COX7A1: variants seen among roughly 807,000 people sequenced by gnomAD.
The protein encoded by COX7A1 is cytochrome c oxidase subunit 7A1.
A neutral mutation model predicts 13.2 loss-of-function variants in COX7A1; 21 were observed. The observed-to-expected ratio is 1.59, with a 90% CI of 1.13 to 2.29. The LOEUF is 2.29. Ranked by LOEUF, COX7A1 falls within the 30% of genes most tolerant of loss-of-function variation. The pLI, the probability that COX7A1 is intolerant of heterozygous loss-of-function variation, is 0.00. For synonymous variants in COX7A1, 41 were observed against 41.9 expected, an observed-to-expected ratio of 0.98 and a Z score of 0.08; for missense variants, 107 against 100.0, an observed-to-expected ratio of 1.07 and a Z score of -0.30.
chr19:36,151,147 C>T (rs1019194149), intron 3 of COX7A1, 113 bp from the exon 4 acceptor site: 26 of 1,094,532 alleles, frequency 2.4e-5, no homozygotes, highest in Non-Finnish European at 3.2e-5. Flanking sequence ...AGCTCTAGTT[C>T]GGACTCCAGC....
chr19:36,151,541 GTCC>G lies in COX7A1; in HGVS notation c.105_107del (p.Glu35del), dbSNP rs1441137634. On this transcript the variant is annotated inframe_deletion and splice_region_variant, in exon 3 of 4. Coordinates refer to ENST00000292907, the MANE Select transcript of COX7A1 (RefSeq NM_001864.4). ...CCTTCAGGTACAACGGGATGTCATT[GTCC>G]TCCTGGATGTGGGGGTGTCTGATGA... 1 of 1,614,170 alleles carries G rather than the reference GTCC, an allele frequency of 6.2e-7. No homozygotes were observed. The highest frequency in any genetic ancestry group is 8.5e-7 in the Non-Finnish European group (1 of 1,180,012).
chr19:36,151,225 C>G lies in COX7A1; in HGVS notation c.188-191G>C, dbSNP rs36108627. 2.0e-3 allele frequency among the ~76,000 whole-genome samples: 299 copies of G among 152,234 alleles called. 1 individual carries two copies. The highest frequency in any genetic ancestry group is 3.6e-3 in the Non-Finnish European group (246 of 68,010). ...TGATCTAGACCGGGCTGGGAGCTTT[C>G]TCCCCGACTCCTCCCTGGGCCTCAG... On this transcript the variant is annotated intron_variant, in intron 3 of 3. Coordinates refer to ENST00000292907, the MANE Select transcript of COX7A1 (RefSeq NM_001864.4).
chr19:36,151,645 T>TGGCCCCCCCC, intron 2 of COX7A1, 24 bp downstream of exon 2: 1 of 1,387,614 alleles, frequency 7.2e-7, no homozygotes, highest in Non-Finnish European at 9.9e-7. Context: ...GCGCGTCGGA[T>TGGCCCCCCCC]CCCCACCCCC....
chr19:36,152,379 C>A lies in COX7A1; in HGVS notation c.15+14G>T. Reference sequence around the variant, plus strand: ...CTGGGTGGGGGGCTCCGGCCCAGCCCATGGGGGCCTCACCCGAAGGGCCTG... The same window carrying A: ...CTGGGTGGGGGGCTCCGGCCCAGCCAATGGGGGCCTCACCCGAAGGGCCTG... On this transcript the variant is annotated intron_variant, in intron 1 of 3. Transcript: ENST00000292907. 1 of 1,351,792 alleles carries A rather than the reference C, an allele frequency of 7.4e-7. No homozygotes were observed. Among genetic ancestry groups the A allele is most frequent in the South Asian group, 2.2e-5 (1 of 45,688 alleles). The allele number at this position is 1,351,792 out of a possible 1,614,324, so 83.7% of individuals were successfully genotyped here.
Position 36,150,971 on chromosome 19 carries a change from G to A in COX7A1, c.*11C>T. On this transcript the variant is annotated 3_prime_UTR_variant, in exon 4 of 4. Coordinates refer to ENST00000292907, the MANE Select transcript of COX7A1 (RefSeq NM_001864.4). ...TGTTCAAGTCTCTCAGGCCCCCCAGGCTTCTTGGTCTTAATTCCTGGGGAA... is the reference window on the plus strand; with the variant it reads ...TGTTCAAGTCTCTCAGGCCCCCCAGACTTCTTGGTCTTAATTCCTGGGGAA... The A allele has an allele frequency of 6.2e-7, 1 of 1,613,768 alleles. No individual in the cohort carries two copies. Among genetic ancestry groups the A allele is most frequent in the Non-Finnish European group, 8.5e-7 (1 of 1,179,694 alleles).
In COX7A1 at chr19:36,151,170, T is replaced by C. The variant is rs368449604; in HGVS notation, c.188-136A>G. The C allele has an allele frequency of 1.9e-5, 18 of 934,854 alleles. No individual in the cohort carries two copies. The African/African-American group carries it at 2.0e-4, about 10-fold the overall frequency. The allele number at this position is 934,854 out of a possible 1,614,324, so 57.9% of individuals were successfully genotyped here. ...TTCGGACTCCAGCTCCCTTCCCAGA[T>C]TGGACTCCTATTGTAAAGCCCCCTG... is the stretch of plus-strand genomic sequence containing the variant. On this transcript the variant is annotated intron_variant, in intron 3 of 3. Transcript: ENST00000292907.
chr19:36,151,064 G>A (rs1303420801), intron 3 of COX7A1, 30 bp from the exon 4 acceptor site: 4 of 1,609,064 alleles, frequency 2.5e-6, no homozygotes, highest in African/African-American at 1.3e-5. Context: ...GAGACAGAAT[G>A]AGACCTAATC....
At chr19:36,151,384 T>A in intron 3 of COX7A1, 78 bp downstream of exon 3, 1 of 1,507,320 alleles carries the variant, frequency 6.6e-7, no homozygotes, top group Non-Finnish European at 9.2e-7. Flanking sequence ...TCCTGGTCAG[T>A]CCTGCCCAGA....
At chr19:36,152,020 G>C (rs1307204942) in intron 1 of COX7A1, 2 of 613,114 alleles carry the variant, frequency 3.3e-6, no homozygotes, top group Non-Finnish European at 6.0e-6. Context: ...GTTCTGGGGG[G>C]CCTAAGTCCT....
intron 1 of COX7A1, chr19:36,151,997 C>A (rs1974781358): frequency 1.6e-6 from 1 of 633,710 alleles, no homozygotes. Flanking sequence ...GGGAGAGGAC[C>A]CAGAAGGACT....
chr19:36,152,269 G>A (rs1047864563), intron 1 of COX7A1, 124 bp downstream of exon 1: 3 of 651,552 alleles, frequency 4.6e-6, no homozygotes, highest in Non-Finnish European at 7.1e-6. Flanking sequence ...TGTTTAGCGG[G>A]GAGTCCCAGG....
chr19:36,151,645 T>TGGCC, intron 2 of COX7A1, 24 bp downstream of exon 2: 59 of 1,387,474 alleles, frequency 4.3e-5, no homozygotes, highest in Middle Eastern at 1.8e-4. Context: ...GCGCGTCGGA[T>TGGCC]CCCCACCCCC....
At chr19:36,151,426 C>T (rs1402749184) in intron 3 of COX7A1, 36 bp downstream of exon 3, 1 of 1,611,156 alleles carries the variant, frequency 6.2e-7, no homozygotes, top group Non-Finnish European at 8.5e-7. Context: ...GGTCCAGCCC[C>T]GCCTCCCCCG....
rs201243582 is a variant in COX7A1, at chr19:36,151,516, C to G, written c.133G>C (p.Gly45Arg). The change falls in exon 3 of 4, where the codon GGC becomes CGC. Residue 45 changes from glycine (G) to arginine (R), a missense_variant. Transcript: ENST00000292907. ...TACAGGATGTTGTCAACGATGCCGC[C>G]CTTCAGGTACAACGGGATGTCATTG... Reference protein sequence around the residue: ...EDNDIPLYLKGGIVDNILYRV... With the variant: ...EDNDIPLYLKRGIVDNILYRV... The G allele has an allele frequency of 7.1e-5, 115 of 1,614,092 alleles. No individual in the cohort carries two copies. The highest frequency in any genetic ancestry group is 9.4e-5 in the Non-Finnish European group (111 of 1,180,036).
In COX7A1 at chr19:36,151,650, A is replaced by AAC; in HGVS notation, c.102+18_102+19insGT. The AAC allele has an allele frequency of 5.6e-6, 6 of 1,078,300 alleles. No homozygotes were observed. The Admixed American group carries it at 1.1e-4, about 19-fold the overall frequency. The allele number at this position is 1,078,300 out of a possible 1,614,324, so 66.8% of individuals were successfully genotyped here. On this transcript the variant is annotated intron_variant, in intron 2 of 3. Coordinates refer to ENST00000292907, the MANE Select transcript of COX7A1 (RefSeq NM_001864.4). ...CTCCCGGCTGGCGCGTCGGATCCCC[A>AAC]CCCCCCCCGACCCCCCACCTGGAAG...
chr19:36,151,668 C>CCCCCCCCGG lies in COX7A1; in HGVS notation c.102_102+1insCCGGGGGGG (p.Gln34_Glu35insProGlyGly). On this transcript the variant is annotated inframe_insertion and splice_region_variant. Coordinates refer to ENST00000292907, the MANE Select transcript of COX7A1 (RefSeq NM_001864.4). The stretch of plus-strand genomic sequence containing the variant: ...GATCCCCACCCCCCCCGACCCCCCA[C>CCCCCCCCGG]CTGGAAGAGCTTCTGTTTCTCGCGC... The CCCCCCCCGG allele has an allele frequency of 6.3e-7, 1 of 1,582,628 alleles. No individual in the cohort carries two copies. Among genetic ancestry groups the CCCCCCCCGG allele is most frequent in the Non-Finnish European group, 8.6e-7 (1 of 1,165,650 alleles).
intron 3 of COX7A1, 84 bp from the exon 4 acceptor site, chr19:36,151,118 G>C: frequency 7.1e-7 from 1 of 1,409,950 alleles, no homozygotes; most frequent in South Asian, 1.3e-5. Flanking sequence ...CAGGCTCCCT[G>C]GTTCCCAGCC....
At chr19:36,151,645 T>TGCCCCCCGGGCCCC in intron 2 of COX7A1, 24 bp downstream of exon 2, 1 of 1,387,632 alleles carries the variant, frequency 7.2e-7, no homozygotes, top group Non-Finnish European at 9.9e-7. Context: ...GCGCGTCGGA[T>TGCCCCCCGGGCCCC]CCCCACCCCC....
Position 36,151,655 on chromosome 19 carries a change from CCCCGA to C in COX7A1, c.102+9_102+13del. ...GGCTGGCGCGTCGGATCCCCACCCC[CCCCGA>C]CCCCCCACCTGGAAGAGCTTCTGTT... On this transcript the variant is annotated intron_variant, in intron 2 of 3. Coordinates refer to ENST00000292907, the MANE Select transcript of COX7A1 (RefSeq NM_001864.4). 3.1e-5 allele frequency: 45 copies of C among 1,442,112 alleles called. No homozygotes were observed. The highest frequency in any genetic ancestry group is 3.9e-5 in the Non-Finnish European group (42 of 1,068,900). 89.3% of individuals were successfully genotyped at this position (1,442,112 alleles called of 1,614,324 possible).
Sources: gnomAD v4.1 joint callset for allele counts (sites outside exome capture counted in the v4.1 genomes callset) on GRCh38, gnomAD v4.1.1 for gene constraint, MANE v1.5 for transcripts, NCBI Gene and HGNC (gene_info 2026-07-23, HGNC 2026-07-21) for gene names.